Variants in ZMAT4 observed in about 807,000 individuals in gnomAD.
ZMAT4 encodes zinc finger matrin-type protein 4.
Under a neutral mutation model 28.7 loss-of-function variants are expected in ZMAT4, and 17 were observed. That is an observed-to-expected ratio of 0.59 (90% CI 0.41 to 0.89). The LOEUF is 0.89. Among genes scored for constraint, ZMAT4 ranks in the 40% least tolerant of loss-of-function variants. The pLI is 0.00. For synonymous variants in ZMAT4, 117 were observed against 109.2 expected, an observed-to-expected ratio of 1.07 and a Z score of -0.44; for missense variants, 240 against 283.8, an observed-to-expected ratio of 0.85 and a Z score of 1.11.
intron 5 of ZMAT4, among the ~76,000 whole-genome samples, chr8:40,650,041 C>G (rs1253336380): frequency 6.6e-6 from 1 of 151,946 alleles, no homozygotes; most frequent in East Asian, 1.9e-4. Flanking sequence ...CAAACACGTT[C>G]AAAAGCTAGA....
intron 2 of ZMAT4, among the ~76,000 whole-genome samples, chr8:40,788,471 G>C (rs1469207768): frequency 2.0e-5 from 3 of 152,242 alleles, no homozygotes; most frequent in Admixed American, 6.5e-5. Context: ...TGTAGTCCCA[G>C]CTACTCGGGA....
At chr8:40,637,020 T>G (rs906426357) in intron 5 of ZMAT4, among the ~76,000 whole-genome samples, 1 of 150,208 alleles carries the variant, frequency 6.7e-6, no homozygotes, top group African/African-American at 2.4e-5. Flanking sequence ...TGGGAAAAAA[T>G]AATCACCTTG....
intron 5 of ZMAT4, among the ~76,000 whole-genome samples, chr8:40,648,121 A>T (rs1476419645): frequency 1.3e-5 from 2 of 152,268 alleles, no homozygotes; most frequent in East Asian, 3.9e-4. Context: ...CGATCAAATT[A>T]CTCTGAGCTA....
At chr8:40,786,900 C>A in intron 2 of ZMAT4, 1 of 385,644 alleles carries the variant, frequency 2.6e-6, no homozygotes, top group Non-Finnish European at 4.8e-6. Flanking sequence ...ATTCAGTTAA[C>A]AAGATTAAAA....
chr8:40,584,073 G>A (rs1039449543), intron 5 of ZMAT4, among the ~76,000 whole-genome samples: 1 of 152,112 alleles, frequency 6.6e-6, no homozygotes, highest in Non-Finnish European at 1.5e-5. Flanking sequence ...GAAGAAAATG[G>A]GAGGCAGGTT....
intron 1 of ZMAT4, among the ~76,000 whole-genome samples, chr8:40,881,491 G>GAA (rs1563263542): frequency 7.6e-6 from 1 of 131,534 alleles, no homozygotes; most frequent in Non-Finnish European, 1.6e-5. Context: ...AAGAAAGAAA[G>GAA]AAAGAAAGAG....
chr8:40,857,056 C>T (rs989381203), intron 1 of ZMAT4, among the ~76,000 whole-genome samples: 3 of 152,082 alleles, frequency 2.0e-5, no homozygotes, highest in Non-Finnish European at 4.4e-5. Flanking sequence ...AGCAAAAGAT[C>T]GAGATGATCA....
chr8:40,759,894 A>G (rs746292186), intron 3 of ZMAT4, among the ~76,000 whole-genome samples: 2 of 152,162 alleles, frequency 1.3e-5, no homozygotes, highest in African/African-American at 2.4e-5. Context: ...ACCTATTGAC[A>G]AGGCCAGACA....
At chr8:40,736,761 A>G (rs1811779777) in intron 3 of ZMAT4, among the ~76,000 whole-genome samples, 1 of 152,118 alleles carries the variant, frequency 6.6e-6, no homozygotes. Context: ...GTCTGTGAGG[A>G]TGGGCAGGAG....
At chr8:40,648,859 C>T (rs1391539248) in intron 5 of ZMAT4, among the ~76,000 whole-genome samples, 21 of 137,902 alleles carry the variant, frequency 1.5e-4, no homozygotes, top group South Asian at 2.7e-4. Flanking sequence ...AAATACTTTA[C>T]AGACAAGCAA....
chr8:40,822,222 A>T (rs1815856245), intron 2 of ZMAT4, among the ~76,000 whole-genome samples: 1 of 152,176 alleles, frequency 6.6e-6, no homozygotes, highest in African/African-American at 2.4e-5. Flanking sequence ...TTTTCTCTCG[A>T]TGAAGTTTAT....
chr8:40,756,426 T>TTTTATATATA (rs1389568182), intron 3 of ZMAT4, among the ~76,000 whole-genome samples: 1 of 73,276 alleles, frequency 1.4e-5, no homozygotes, highest in African/African-American at 6.1e-5. Flanking sequence ...AAATGTTCTT[T>TTTTATATATA]TATATATATA....
At chr8:40,764,699 T>G (rs1427648496) in intron 3 of ZMAT4, among the ~76,000 whole-genome samples, 1 of 152,180 alleles carries the variant, frequency 6.6e-6, no homozygotes, top group Non-Finnish European at 1.5e-5. Flanking sequence ...TATATCCTTC[T>G]GAGAATACAG....
chr8:40,554,492 A>G (rs1803465896), intron 6 of ZMAT4, among the ~76,000 whole-genome samples: 1 of 152,146 alleles, frequency 6.6e-6, no homozygotes, highest in South Asian at 2.1e-4. Flanking sequence ...ATGTTAAGCA[A>G]TCATAAACAT....
chr8:40,830,733 T>C (rs2150617367), intron 1 of ZMAT4, among the ~76,000 whole-genome samples: 1 of 152,310 alleles, frequency 6.6e-6, no homozygotes, highest in South Asian at 2.1e-4. Flanking sequence ...CCATTTCTGA[T>C]GGTGCTGAAA....
intron 1 of ZMAT4, among the ~76,000 whole-genome samples, chr8:40,863,023 G>A (rs956672597): frequency 2.0e-4 from 30 of 152,122 alleles, no homozygotes; most frequent in African/African-American, 6.5e-4. Context: ...AGGACTAATG[G>A]TTGGAAGCAG....
chr8:40,629,976 C>T lies in ZMAT4; in HGVS notation c.577+44728G>A, dbSNP rs1201682037. ...TTCTAGTTGTAGATCCCTGAGGAATCGCCACACTGACTTTCACAATGGTTC... is the reference window on the plus strand; with the variant it reads ...TTCTAGTTGTAGATCCCTGAGGAATTGCCACACTGACTTTCACAATGGTTC... On this transcript the variant is annotated intron_variant, in intron 5 of 6. Transcript: ENST00000297737. 1.3e-4 allele frequency among the ~76,000 whole-genome samples: 20 copies of T among 152,236 alleles called. No individual in the cohort carries two copies. In the South Asian group the frequency reaches 3.1e-3, roughly 24 times the overall value.
intron 4 of ZMAT4, among the ~76,000 whole-genome samples, chr8:40,684,296 A>G (rs1333894896): frequency 6.6e-6 from 1 of 152,222 alleles, no homozygotes; most frequent in Non-Finnish European, 1.5e-5. Flanking sequence ...CTAACTGGGC[A>G]CTGCTAGAAA....
chr8:40,697,873 C>T (rs771554416), intron 3 of ZMAT4, among the ~76,000 whole-genome samples: 3 of 152,076 alleles, frequency 2.0e-5, no homozygotes, highest in African/African-American at 4.8e-5. Context: ...CAAATAAAAA[C>T]GGGGCCCACA....
Sources: allele counts gnomAD v4.1 joint callset (sites outside exome capture counted in the v4.1 genomes callset), GRCh38; gene constraint gnomAD v4.1.1; transcripts MANE v1.5; gene names NCBI Gene and HGNC (gene_info 2026-07-23, HGNC 2026-07-21).